Variants in PLAA observed in about 807,000 individuals in gnomAD.
PLAA encodes the protein phospholipase A-2-activating protein.
In PLAA, 48 loss-of-function variants were observed where a neutral mutation model predicts 84.1. The ratio of observed to expected loss-of-function variants is 0.57; its 90% CI spans 0.45 to 0.73. PLAA has a LOEUF of 0.73. PLAA is among the 30% of genes least tolerant of loss of function. PLAA has a pLI of 0.00. For synonymous variants in PLAA, 392 were observed against 336.6 expected (o/e 1.16, Z -1.80); for missense variants, 903 against 954.7 (o/e 0.95, Z 0.71).
chr9:26,932,724 A>G (rs1489425289), intron 2 of PLAA, among the ~76,000 whole-genome samples: 2 of 152,240 alleles, frequency 1.3e-5, no homozygotes, highest in Admixed American at 6.5e-5. Flanking sequence ...CAAAAATAAG[A>G]TATCTCTACT....
chr9:26,942,624 T>G (rs1825574814), intron 1 of PLAA, among the ~76,000 whole-genome samples: 1 of 152,172 alleles, frequency 6.6e-6, no homozygotes, highest in Non-Finnish European at 1.5e-5. Context: ...GGCTCACGCC[T>G]GTAATCCGAG....
chr9:26,911,516 T>G (rs1223171824), intron 11 of PLAA, among the ~76,000 whole-genome samples: 1 of 152,130 alleles, frequency 6.6e-6, no homozygotes, highest in Non-Finnish European at 1.5e-5. Context: ...CTCGAACTCC[T>G]GACTCAGGTG....
chr9:26,930,183 C>T (rs1258456572), intron 2 of PLAA, among the ~76,000 whole-genome samples: 2 of 151,482 alleles, frequency 1.3e-5, no homozygotes, highest in African/African-American at 2.4e-5. Context: ...CGGCTCACCG[C>T]AAGCTCTGCC....
In PLAA at chr9:26,910,551, G is replaced by A. The variant is rs112732651; in HGVS notation, c.1556-112C>T. 1.8e-3 allele frequency: 1,103 copies of A among 597,778 alleles called. 8 individuals are homozygous for A. Among genetic ancestry groups the A allele is most frequent in the African/African-American group, 0.01 (571 of 54,400 alleles). The allele number at this position is 597,778 out of a possible 1,614,324, so 37.0% of individuals were successfully genotyped here. A position where few individuals can be genotyped will look rare whatever the true frequency, so the allele number is the denominator to read the frequency against. Reference sequence around the variant, plus strand: ...ATTGAGATATGCAACTATTCAGTGCGTGCAATAAACAAGGAACCTCAAGGG... The same window carrying A: ...ATTGAGATATGCAACTATTCAGTGCATGCAATAAACAAGGAACCTCAAGGG... On this transcript the variant is annotated intron_variant, in intron 11 of 13. Coordinates refer to ENST00000397292, the MANE Select transcript of PLAA (RefSeq NM_001031689.3).
At chr9:26,944,997 C>T (rs1825644576) in intron 1 of PLAA, among the ~76,000 whole-genome samples, 1 of 152,140 alleles carries the variant, frequency 6.6e-6, no homozygotes, top group African/African-American at 2.4e-5. Flanking sequence ...CATGGTGGCA[C>T]ATGCCTGTAA....
chr9:26,931,794 C>T (rs1163236141), intron 2 of PLAA, among the ~76,000 whole-genome samples: 2 of 152,118 alleles, frequency 1.3e-5, no homozygotes, highest in African/African-American at 4.8e-5. Flanking sequence ...GTAATCCCAC[C>T]ACTTTGGAAG....
Position 26,919,403 on chromosome 9 carries a change from T to C in PLAA, c.1324A>G (p.Met442Val), listed in dbSNP as rs751605997. Residue 442 changes from methionine (M) to valine (V), a missense_variant, in exon 9 of 14, where the codon ATG (methionine) becomes GTG (valine). By Grantham distance (21) the Met-to-Val change is conservative (BLOSUM62 1). Transcript: ENST00000397292. ...NFLQKNDLNP[M>V]FLDQVAKFII... is the part of the protein sequence containing the mutation. ...AATTTAGCTACTTGATCCAGAAACA[T>C]AGGATTCAAATCATTCTTCTGTAAG... The C allele has an allele frequency of 1.9e-5, 30 of 1,612,864 alleles. No homozygotes were observed. The highest frequency in any genetic ancestry group is 1.3e-4 in the South Asian group (12 of 91,038).
chr9:26,927,515 C>T (rs766086450), intron 4 of PLAA, among the ~76,000 whole-genome samples: 2 of 152,118 alleles, frequency 1.3e-5, no homozygotes, highest in Non-Finnish European at 1.5e-5. Context: ...GGAAAAACAA[C>T]ACCAATTAAA....
In PLAA at chr9:26,926,443, T is replaced by C. The variant is rs773779506; in HGVS notation, c.683A>G (p.Tyr228Cys). ...GCTATAAATATAATTTGTATGTCCA[T>C]AATATACTTCAAGACACTCGCCAGT... ...QITGECLEVY[Y>C]GHTNYIYSIS... Residue 228 changes from tyrosine to cysteine, a missense_variant, in exon 5 of 14, where the codon TAT becomes TGT. Coordinates refer to ENST00000397292, the MANE Select transcript of PLAA (RefSeq NM_001031689.3). The C allele has an allele frequency of 1.2e-6, 2 of 1,610,680 alleles. No individual in the cohort carries two copies. The highest frequency in any genetic ancestry group is 2.2e-5 in the South Asian group (2 of 91,010).
Position 26,920,672 on chromosome 9 carries a change from T to C in PLAA, c.1040-288A>G, listed in dbSNP as rs183022064. 7.0e-4 allele frequency among the ~76,000 whole-genome samples: 106 copies of C among 152,278 alleles called. 1 individual carries two copies. The highest frequency in any genetic ancestry group is 3.7e-3 in the Admixed American group (56 of 15,300). The stretch of plus-strand genomic sequence containing the variant: ...TTAGTGAATATATCTTCCTAACACA[T>C]TTCATTCCGTAAATGGCTCTCCATT... On this transcript the variant is annotated intron_variant, in intron 7 of 13. Coordinates refer to ENST00000397292, the MANE Select transcript of PLAA (RefSeq NM_001031689.3).
At position 26,904,949 on chromosome 9, in the gene PLAA, T is replaced by A. The variant is rs1490982903; in HGVS notation, c.*562A>T. On this transcript the variant is annotated 3_prime_UTR_variant, in exon 14 of 14. Coordinates refer to ENST00000397292, the MANE Select transcript of PLAA (RefSeq NM_001031689.3). ...TTTTTCTTCATCTAAAAATAGGCCA[T>A]TAAACAAATATACTTTAGGATTTAT... 3 of 152,092 alleles carry A rather than the reference T, an allele frequency of 2.0e-5. No homozygotes were observed. The highest frequency in any genetic ancestry group is 4.4e-5 in the Non-Finnish European group (3 of 67,940). The allele number at this position is 152,092 out of a possible 1,614,324, so 9.4% of individuals were successfully genotyped here.
At chr9:26,914,177 G>A (rs1022342501) in intron 10 of PLAA, among the ~76,000 whole-genome samples, 1 of 152,162 alleles carries the variant, frequency 6.6e-6, no homozygotes, top group Non-Finnish European at 1.5e-5. Context: ...AATTGTAGAA[G>A]TTTAGTAAAC....
intron 11 of PLAA, among the ~76,000 whole-genome samples, chr9:26,910,862 G>T (rs866579146): frequency 6.6e-6 from 1 of 151,994 alleles, no homozygotes; most frequent in Non-Finnish European, 1.5e-5. Flanking sequence ...AAAAGTCAAA[G>T]AATACCATAT....
intron 1 of PLAA, among the ~76,000 whole-genome samples, chr9:26,941,044 C>T (rs2131425227): frequency 6.6e-6 from 1 of 151,950 alleles, no homozygotes; most frequent in Middle Eastern, 3.4e-3. Flanking sequence ...TTCTTAATGG[C>T]AGAATCCAGA....
intron 7 of PLAA, among the ~76,000 whole-genome samples, 195 bp from the exon 8 acceptor site, chr9:26,920,579 AAAGG>A (rs1261430284): frequency 6.6e-6 from 1 of 152,252 alleles, no homozygotes; most frequent in East Asian, 1.9e-4. Context: ...ATTATTAATC[AAAGG>A]AAGGTTAACA....
Position 26,906,027 on chromosome 9 carries a change from G to A in PLAA, c.1872C>T (p.Pro624=), listed in dbSNP as rs1291424381. Residue 624 remains proline (P), a synonymous_variant, in exon 14 of 14, where the codon CCC becomes CCT. Transcript: ENST00000397292. ...LDILRLSIKH[P]SVNENFCNEK... is the part of the protein sequence containing the mutation. Reference sequence around the variant, plus strand: ...CATTGCAGAAGTTCTCATTCACACTGGGGTGTTTAATTGACAACCGAAGAA... The same window carrying A: ...CATTGCAGAAGTTCTCATTCACACTAGGGTGTTTAATTGACAACCGAAGAA... 6.9e-6 allele frequency: 11 copies of A among 1,600,526 alleles called. No homozygotes were observed. In the Admixed American group the frequency reaches 1.9e-4, roughly 27 times the overall value.
At position 26,926,865 on chromosome 9, in the gene PLAA, C is replaced by T. The variant is rs543117348; in HGVS notation, c.566-305G>A. Among the ~76,000 whole-genome samples the T allele has an allele frequency of 3.3e-5, 5 of 151,320 alleles. 1 individual carries two copies. In the Middle Eastern group the frequency reaches 0.01, roughly 309 times the overall value. ...GAAAATTCATTTTTAATTTTTCTTC[C>T]CCAACAAGAGTAATTTATAAAATAT... On this transcript the variant is annotated intron_variant, in intron 4 of 13. Coordinates refer to ENST00000397292, the MANE Select transcript of PLAA (RefSeq NM_001031689.3).
intron 1 of PLAA, among the ~76,000 whole-genome samples, chr9:26,938,794 G>A (rs1825436927): frequency 6.6e-6 from 1 of 152,060 alleles, no homozygotes; most frequent in Non-Finnish European, 1.5e-5. Flanking sequence ...AAAAGCTAAT[G>A]ATATTGTAAC....
chr9:26,931,989 A>C (rs1320320282), intron 2 of PLAA, among the ~76,000 whole-genome samples: 1 of 152,204 alleles, frequency 6.6e-6, no homozygotes, highest in African/African-American at 2.4e-5. Flanking sequence ...TGGGAGGCAG[A>C]GGCAGGAGAA....
Sources: gnomAD v4.1 joint callset for allele counts (sites outside exome capture counted in the v4.1 genomes callset) on GRCh38, gnomAD v4.1.1 for gene constraint, MANE v1.5 for transcripts, NCBI Gene and HGNC (gene_info 2026-07-23, HGNC 2026-07-21) for gene names.